NUB1: variants seen among roughly 807,000 people sequenced by gnomAD.
NUB1 encodes the protein negative regulator of ubiquitin like proteins 1, also known as NEDD8 ultimate buster 1.
Under a neutral mutation model 77.1 loss-of-function variants are expected in NUB1, and 41 were observed. That is an observed-to-expected ratio of 0.53 (90% CI 0.41 to 0.69). The LOEUF is 0.69. Among genes scored for constraint, NUB1 ranks in the 30% least tolerant of loss-of-function variants. NUB1 has a pLI of 0.00. For synonymous variants in NUB1, 257 were observed against 281.0 expected, an observed-to-expected ratio of 0.91 and a Z score of 0.85; for missense variants, 643 against 743.8, an observed-to-expected ratio of 0.86 and a Z score of 1.58.
chr7:151,364,344 C>A (rs1474482403), intron 8 of NUB1, among the ~76,000 whole-genome samples: 1 of 148,606 alleles, frequency 6.7e-6, no homozygotes, highest in African/African-American at 2.5e-5. Context: ...TGGCAGGAAC[C>A]CGGGAGGCGA....
In NUB1 at chr7:151,345,387, A is replaced by G. The variant is rs2302131; in HGVS notation, c.38A>G (p.Gln13Arg). Residue 13 changes from glutamine (Q) to arginine (R), a missense_variant, in exon 2 of 15, where the codon CAG (glutamine) becomes CGG (arginine). Physicochemically the swap from Gln to Arg is conservative, Grantham distance 43 (BLOSUM62 1). Coordinates refer to ENST00000568733, the MANE Select transcript of NUB1 (RefSeq NM_001243351.2). The stretch of plus-strand genomic sequence containing the variant: ...AAATATCTTCAAGCAAAATTGACCC[A>G]GTTTTTAAGGGAAGACAGGATTCAA... The part of the protein sequence containing the change: ...QKKYLQAKLT[Q>R]FLREDRIQLW... 1.3e-4 allele frequency: 212 copies of G among 1,612,930 alleles called. No individual in the cohort carries two copies. The East Asian group carries it at 4.6e-3, about 35-fold the overall frequency.
At chr7:151,363,434 G>GA (rs1325137560) in intron 8 of NUB1, among the ~76,000 whole-genome samples, 17 of 140,336 alleles carry the variant, frequency 1.2e-4, no homozygotes, top group South Asian at 4.4e-4. Flanking sequence ...GAAACTATCT[G>GA]AAAAAACAGA....
At chr7:151,350,317 G>A (rs1408591168) in intron 3 of NUB1, among the ~76,000 whole-genome samples, 2 of 152,254 alleles carry the variant, frequency 1.3e-5, no homozygotes, top group African/African-American at 4.8e-5. Context: ...GTGGAGCAGA[G>A]TCTTCTCTAA....
At chr7:151,356,333 C>A in intron 7 of NUB1, 111 bp downstream of exon 7, 1 of 776,218 alleles carries the variant, frequency 1.3e-6, no homozygotes, top group Non-Finnish European at 2.2e-6. Flanking sequence ...AACAGTGCTC[C>A]ATCTCCAGCC....
chr7:151,351,310 T>C (rs552287589), intron 3 of NUB1, 114 bp from the exon 4 acceptor site: 259 of 815,512 alleles, frequency 3.2e-4, no homozygotes, highest in Non-Finnish European at 5.0e-4. Context: ...CATTTTAGTT[T>C]TTAACAGTGA....
intron 8 of NUB1, chr7:151,360,939 T>TC (rs1797349625): frequency 3.7e-5 from 1 of 26,980 alleles, no homozygotes; most frequent in African/African-American, 6.0e-5. Flanking sequence ...GTCGGCTTTT[T>TC]TTTTTTTTTT....
intron 3 of NUB1, among the ~76,000 whole-genome samples, chr7:151,350,506 T>C (rs1463594643): frequency 6.6e-6 from 1 of 152,272 alleles, no homozygotes; most frequent in Non-Finnish European, 1.5e-5. Context: ...GGGCTCACAC[T>C]TGTCTTCTGG....
chr7:151,368,039 A>C (rs1797776333), intron 10 of NUB1, 71 bp downstream of exon 10: 2 of 899,430 alleles, frequency 2.2e-6, no homozygotes, highest in East Asian at 5.3e-5. Flanking sequence ...AAGGATTTTA[A>C]CTTAGTAGTT....
At chr7:151,352,731 C>G in intron 4 of NUB1, 81 bp from the exon 5 acceptor site, 1 of 882,642 alleles carries the variant, frequency 1.1e-6, no homozygotes, top group Non-Finnish European at 1.8e-6. Context: ...GCGTGAGCCA[C>G]CGGGCCTGGC....
chr7:151,349,834 G>A (rs1347465344), intron 3 of NUB1, among the ~76,000 whole-genome samples: 1 of 152,240 alleles, frequency 6.6e-6, no homozygotes. Flanking sequence ...ACAAGAGATC[G>A]TAGAAATAAA....
intron 2 of NUB1, among the ~76,000 whole-genome samples, chr7:151,346,563 G>A (rs1280776708): frequency 6.6e-6 from 1 of 152,244 alleles, no homozygotes; most frequent in South Asian, 2.1e-4. Context: ...AATACTAATG[G>A]TCAGTGATTT....
Position 151,374,186 on chromosome 7 carries a change from G to GCACGCGGCCCAGCAGGTACTC in NUB1, c.1344_1364dup (p.Gln450_Ala456dup). ...TTCTGAAAGGGATGGGCTACTCCAC[G>GCACGCGGCCCAGCAGGTACTC]CACGCGGCCCAGCAGGTACTCCACG... On this transcript the variant is annotated inframe_insertion, in exon 12 of 15. Transcript: ENST00000568733. 2 of 1,574,080 alleles carry GCACGCGGCCCAGCAGGTACTC rather than the reference G, an allele frequency of 1.3e-6. No individual in the cohort carries two copies. The highest frequency in any genetic ancestry group is 1.7e-6 in the Non-Finnish European group (2 of 1,160,258).
At chr7:151,371,903 C>T (rs1341997982) in intron 11 of NUB1, among the ~76,000 whole-genome samples, 1 of 152,176 alleles carries the variant, frequency 6.6e-6, no homozygotes, top group Non-Finnish European at 1.5e-5. Context: ...AATGGGGTCT[C>T]ACCATGTTGC....
chr7:151,360,076 C>G (rs1797298025), intron 7 of NUB1, 65 bp from the exon 8 acceptor site: 2 of 714,906 alleles, frequency 2.8e-6, no homozygotes, highest in East Asian at 2.8e-5. Flanking sequence ...AAGTAATATG[C>G]TTTTAATATA....
chr7:151,370,692 C>A (rs13308382), intron 11 of NUB1, among the ~76,000 whole-genome samples: 5 of 125,016 alleles, frequency 4.0e-5, no homozygotes, highest in Admixed American at 8.3e-5. Context: ...ATCCCTCCCC[C>A]CTCCCCCCAC....
intron 1 of NUB1, among the ~76,000 whole-genome samples, chr7:151,344,798 G>A (rs1269753914): frequency 2.6e-5 from 4 of 152,010 alleles, no homozygotes; most frequent in Non-Finnish European, 5.9e-5. Context: ...TCAGGAATTC[G>A]AGACCAGCCT....
chr7:151,365,316 CTCT>C (rs980835990), intron 8 of NUB1, among the ~76,000 whole-genome samples: 2 of 92,182 alleles, frequency 2.2e-5, no homozygotes, highest in African/African-American at 3.6e-5. Context: ...TTTCTTCTCT[CTCT>C]TTTTTTTTTT....
intron 7 of NUB1, 80 bp from the exon 8 acceptor site, chr7:151,360,061 T>C (rs2302130): frequency 0.047 from 30,229 of 641,112 alleles, 974 homozygotes; most frequent in Middle Eastern, 0.12. Flanking sequence ...ACTTTGTTTT[T>C]TAAAAAGTAA....
Position 151,377,213 on chromosome 7 carries a change from A to G in NUB1, c.1836A>G (p.Thr612=). ...ATGTAGAAAATAGGAAGTCAGCAAC[A>G]AAGAAAAACTAAATAATGAACAGAA... ...LSYVENRKSA[T]KKN is the part of the protein sequence containing the mutation. The change falls in exon 15 of 15, where the codon ACA becomes ACG. Residue 612 remains threonine, a synonymous_variant. Coordinates refer to ENST00000568733, the MANE Select transcript of NUB1 (RefSeq NM_001243351.2). 1 of 1,536,494 alleles carries G rather than the reference A, an allele frequency of 6.5e-7. No individual in the cohort carries two copies. Among genetic ancestry groups the G allele is most frequent in the Non-Finnish European group, 8.8e-7 (1 of 1,140,774 alleles).
Sources: allele counts gnomAD v4.1 joint callset (sites outside exome capture counted in the v4.1 genomes callset), GRCh38; gene constraint gnomAD v4.1.1; transcripts MANE v1.5; gene names NCBI Gene and HGNC (gene_info 2026-07-23, HGNC 2026-07-21).